ESRRG: variants seen among roughly 807,000 people sequenced by gnomAD.
The protein encoded by ESRRG is estrogen-related receptor gamma.
In ESRRG, 13 loss-of-function variants were observed where a neutral mutation model predicts 44.0. That is an observed-to-expected ratio of 0.30 (90% confidence interval 0.19 to 0.47). The LOEUF (loss-of-function observed/expected upper bound fraction) is 0.47. Ranked by LOEUF, ESRRG falls within the 20% of genes least tolerant of loss-of-function variation. The probability of loss-of-function intolerance (pLI) is 1.00; values close to 1 mark genes in which losing one functional copy is unlikely to be tolerated. For missense variants in ESRRG, 395 were observed against 580.6 expected (o/e 0.68, Z 3.29); for synonymous variants, 215 against 214.6 (o/e 1.00, Z -0.02).
intron 3 of ESRRG, among the ~76,000 whole-genome samples, chr1:216,581,148 G>A (rs538173986): frequency 1.3e-5 from 2 of 152,304 alleles, no homozygotes; most frequent in East Asian, 1.9e-4. Flanking sequence ...AATAGATAAT[G>A]ACTGTTCTGT....
At chr1:216,638,956 C>T (rs368900641) in intron 3 of ESRRG, among the ~76,000 whole-genome samples, 3 of 152,288 alleles carry the variant, frequency 2.0e-5, no homozygotes, top group East Asian at 1.9e-4. Flanking sequence ...CATGAATCCA[C>T]GTTCCTTCCA....
intron 2 of ESRRG, among the ~76,000 whole-genome samples, chr1:216,773,093 C>G (rs1337343915): frequency 6.6e-6 from 1 of 151,954 alleles, no homozygotes; most frequent in South Asian, 2.1e-4. Context: ...GTCAAACAAA[C>G]AAATCAAGGC....
intron 2 of ESRRG, among the ~76,000 whole-genome samples, chr1:216,859,253 AT>A (rs1219289649): frequency 1.3e-5 from 2 of 152,196 alleles, no homozygotes; most frequent in African/African-American, 4.8e-5. Context: ...TCTCTAAGAG[AT>A]TAGAAACAAA....
At chr1:216,651,883 CAGA>C (rs927296489) in intron 2 of ESRRG, among the ~76,000 whole-genome samples, 2 of 151,840 alleles carry the variant, frequency 1.3e-5, no homozygotes, top group Non-Finnish European at 2.9e-5. Context: ...ACTAAGAAAC[CAGA>C]AGAAGATCCA....
intron 2 of ESRRG, among the ~76,000 whole-genome samples, chr1:216,914,556 T>C (rs999269308): frequency 6.6e-6 from 1 of 152,186 alleles, no homozygotes; most frequent in Non-Finnish European, 1.5e-5. Context: ...ACTTTGACCA[T>C]GTAAACATGT....
At chr1:216,680,915 T>C (rs2076930941) in intron 1 of ESRRG, among the ~76,000 whole-genome samples, 1 of 152,210 alleles carries the variant, frequency 6.6e-6, no homozygotes, top group Admixed American at 6.5e-5. Context: ...AATAGGACTT[T>C]ATTTCAAAAG....
At chr1:216,731,633 C>A (rs548311425) in intron 2 of ESRRG, among the ~76,000 whole-genome samples, 2 of 152,170 alleles carry the variant, frequency 1.3e-5, no homozygotes, top group African/African-American at 4.8e-5. Context: ...AAACTCAATA[C>A]GTACCCCCAA....
intron 1 of ESRRG, among the ~76,000 whole-genome samples, chr1:217,130,928 A>G (rs1580653540): frequency 6.6e-6 from 1 of 152,180 alleles, no homozygotes; most frequent in South Asian, 2.1e-4. Context: ...GCAATAAAAT[A>G]TAGCTTAAAT....
intron 3 of ESRRG, among the ~76,000 whole-genome samples, chr1:216,569,104 GGAAGGAA>G (rs2060224103): frequency 2.5e-5 from 3 of 118,018 alleles, no homozygotes; most frequent in Non-Finnish European, 5.5e-5. Flanking sequence ...AAGGAAGGAA[GGAAGGAA>G]GAAGGAAGGA....
chr1:216,897,146 G>T (rs999157061), intron 2 of ESRRG, among the ~76,000 whole-genome samples: 5 of 152,156 alleles, frequency 3.3e-5, no homozygotes, highest in Non-Finnish European at 7.4e-5. Context: ...GTAACCCTGG[G>T]AAGAAATGAA....
chr1:216,929,472 G>C (rs756716605), intron 2 of ESRRG, among the ~76,000 whole-genome samples: 6 of 152,186 alleles, frequency 3.9e-5, no homozygotes, highest in Non-Finnish European at 8.8e-5. Flanking sequence ...ACTTCACCCA[G>C]TGCGTGTGTG....
chr1:216,628,401 C>T (rs979405509), intron 3 of ESRRG, among the ~76,000 whole-genome samples: 2 of 152,116 alleles, frequency 1.3e-5, no homozygotes, highest in African/African-American at 2.4e-5. Flanking sequence ...TTTAGAGGTG[C>T]GATCTACTGT....
intron 2 of ESRRG, among the ~76,000 whole-genome samples, chr1:216,921,787 C>A (rs1435887061): frequency 6.6e-6 from 1 of 152,178 alleles, no homozygotes; most frequent in Non-Finnish European, 1.5e-5. Flanking sequence ...AGGAGGGCAG[C>A]AATTTGTATT....
At chr1:216,638,735 A>C (rs369465378) in intron 3 of ESRRG, among the ~76,000 whole-genome samples, 2 of 152,326 alleles carry the variant, frequency 1.3e-5, no homozygotes, top group South Asian at 4.1e-4. Flanking sequence ...AATGGTATGG[A>C]GCCAGCTCTC....
At chr1:216,534,333 G>A (rs185215192) in intron 5 of ESRRG, among the ~76,000 whole-genome samples, 147 of 152,220 alleles carry the variant, frequency 9.7e-4, no homozygotes, top group African/African-American at 3.4e-3. Flanking sequence ...ATTATTTAAA[G>A]GGCAGAGACT....
chr1:216,719,397 T>C (rs926087883), intron 1 of ESRRG, among the ~76,000 whole-genome samples: 7 of 152,136 alleles, frequency 4.6e-5, no homozygotes, highest in African/African-American at 1.7e-4. Flanking sequence ...TGAAGTGTTA[T>C]TAACTAAGTA....
At chr1:216,926,539 A>C (rs529818971) in intron 2 of ESRRG, among the ~76,000 whole-genome samples, 4 of 152,200 alleles carry the variant, frequency 2.6e-5, no homozygotes, top group Admixed American at 6.5e-5. Context: ...AAGGGGAAAA[A>C]GTTACATTTA....
intron 2 of ESRRG, among the ~76,000 whole-genome samples, chr1:216,665,025 A>G (rs915886822): frequency 1.3e-5 from 2 of 152,206 alleles, no homozygotes; most frequent in Non-Finnish European, 2.9e-5. Context: ...CTATCCATAC[A>G]GTGGAATGTA....
At chr1:216,843,239 T>C (rs2095682684) in intron 2 of ESRRG, among the ~76,000 whole-genome samples, 1 of 151,986 alleles carries the variant, frequency 6.6e-6, no homozygotes, top group South Asian at 2.1e-4. Flanking sequence ...TTATATGAGA[T>C]TTGTGAGGCT....
Sources: gnomAD v4.1 joint callset for allele counts (sites outside exome capture counted in the v4.1 genomes callset) on GRCh38, gnomAD v4.1.1 for gene constraint, MANE v1.5 for transcripts, NCBI Gene and HGNC (gene_info 2026-07-23, HGNC 2026-07-21) for gene names.